EPN2: variants seen among roughly 807,000 people sequenced by gnomAD.
EPN2 encodes the protein epsin-2.
A neutral mutation model predicts 61.7 loss-of-function variants in EPN2; 34 were observed. That is an observed-to-expected ratio of 0.55 (90% CI 0.42 to 0.73). The LOEUF is 0.73. EPN2 is among the 30% of genes least tolerant of loss of function. The pLI is 0.00. For missense variants in EPN2, 714 were observed against 839.2 expected (o/e 0.85, Z 1.84); for synonymous variants, 349 against 353.6 (o/e 0.99, Z 0.15).
intron 4 of EPN2, among the ~76,000 whole-genome samples, chr17:19,301,379 A>G (rs1905510332): frequency 6.6e-6 from 1 of 152,220 alleles, no homozygotes. Flanking sequence ...AGTTCTGCCC[A>G]TAACCCCTGG....
chr17:19,257,473 C>T (rs997632204), intron 1 of EPN2, among the ~76,000 whole-genome samples: 2 of 151,718 alleles, frequency 1.3e-5, no homozygotes, highest in African/African-American at 2.4e-5. Flanking sequence ...AGTCCTAGTT[C>T]GGTCTGTAAT....
chr17:19,242,242 G>A (rs2044892782), intron 1 of EPN2, among the ~76,000 whole-genome samples: 1 of 151,576 alleles, frequency 6.6e-6, no homozygotes, highest in Admixed American at 6.6e-5. Flanking sequence ...TTTTTGAGAC[G>A]AGTCTGGCCA....
At chr17:19,238,206 C>T (rs2044840243) in intron 1 of EPN2, among the ~76,000 whole-genome samples, 1 of 152,136 alleles carries the variant, frequency 6.6e-6, no homozygotes, top group Admixed American at 6.5e-5. Context: ...TGGCAGAGAC[C>T]CACCCGGCCC....
At chr17:19,305,384 A>G (rs1304873662) in intron 4 of EPN2, among the ~76,000 whole-genome samples, 1 of 152,084 alleles carries the variant, frequency 6.6e-6, no homozygotes, top group African/African-American at 2.4e-5. Flanking sequence ...CGGTCTCCCA[A>G]AGTGCTGTGA....
Position 19,335,433 on chromosome 17 carries a change from TA to T in EPN2, c.*1180del, listed in dbSNP as rs1359974794. On this transcript the variant is annotated 3_prime_UTR_variant, in exon 11 of 11. Coordinates refer to ENST00000314728, the MANE Select transcript of EPN2 (RefSeq NM_014964.5). ...TGCAGGGATTAACAGGACTTCTGTT[TA>T]CAATGGAAATCTGAAATGGAAGAAA... is the stretch of plus-strand genomic sequence containing the variant. The T allele has an allele frequency of 3.2e-6, 5 of 1,550,258 alleles. No homozygotes were observed. Among genetic ancestry groups the T allele is most frequent in the Non-Finnish European group, 1.7e-6 (2 of 1,146,776 alleles).
In EPN2 at chr17:19,328,701, C is replaced by G. The variant is rs780455470; in HGVS notation, c.1148-10C>G. 2.5e-6 allele frequency: 4 copies of G among 1,596,840 alleles called. No homozygotes were observed. Among genetic ancestry groups the G allele is most frequent in the Admixed American group, 3.4e-5 (2 of 58,404 alleles). On this transcript the variant is annotated splice_polypyrimidine_tract_variant and intron_variant, in intron 7 of 10. Transcript: ENST00000314728. ...AGGCATTTCTGAGCCCTGACCCTGCCTTCCAACAGGTACCAAGCCAGCTGC... is the reference window on the plus strand; with the variant it reads ...AGGCATTTCTGAGCCCTGACCCTGCGTTCCAACAGGTACCAAGCCAGCTGC...
intron 1 of EPN2, among the ~76,000 whole-genome samples, chr17:19,264,862 G>C (rs1451658535): frequency 6.6e-5 from 10 of 152,256 alleles, no homozygotes; most frequent in Admixed American, 5.2e-4. Flanking sequence ...TGTCCCTTGA[G>C]AGCCTGCAGT....
At chr17:19,286,924 C>A (rs1391242771) in intron 4 of EPN2, among the ~76,000 whole-genome samples, 1 of 152,164 alleles carries the variant, frequency 6.6e-6, no homozygotes, top group Non-Finnish European at 1.5e-5. Context: ...ATTTCACCCC[C>A]CCAGATAGTC....
intron 7 of EPN2, among the ~76,000 whole-genome samples, chr17:19,325,618 C>T (rs1906830370): frequency 6.6e-6 from 1 of 152,132 alleles, no homozygotes; most frequent in Non-Finnish European, 1.5e-5. Flanking sequence ...CTATAGCTAA[C>T]ATTGAACTTA....
intron 4 of EPN2, among the ~76,000 whole-genome samples, chr17:19,307,364 G>A (rs1280867873): frequency 2.0e-5 from 3 of 152,012 alleles, no homozygotes; most frequent in Non-Finnish European, 4.4e-5. Flanking sequence ...AGGCTGGAGT[G>A]CAGTGGCGCG....
intron 9 of EPN2, chr17:19,330,704 A>G (rs1907118903): frequency 1.3e-5 from 2 of 152,434 alleles, no homozygotes; most frequent in East Asian, 1.9e-4. Flanking sequence ...CTTTTGAAAC[A>G]TTTATCCCCT....
chr17:19,309,075 C>T (rs1333250583), intron 4 of EPN2, among the ~76,000 whole-genome samples: 2 of 151,718 alleles, frequency 1.3e-5, no homozygotes, highest in Non-Finnish European at 2.9e-5. Flanking sequence ...TTTGGGGTCA[C>T]TGCAGAAATG....
At position 19,334,060 on chromosome 17, in the gene EPN2, T is replaced by A; in HGVS notation, c.1732T>A (p.Ser578Thr). 1 of 1,609,808 alleles carries A rather than the reference T, an allele frequency of 6.2e-7. No individual in the cohort carries two copies. The highest frequency in any genetic ancestry group is 8.5e-7 in the Non-Finnish European group (1 of 1,177,692). ...RGSPVLGTSTSFGPGPGVESM... is the reference protein window; with the variant it reads ...RGSPVLGTSTTFGPGPGVESM... Reference sequence around the variant, plus strand: ...GAGCCCAGTCCTGGGGACCAGCACATCCTTTGGGCCTGGCCCAGGAGTGGA... The same window carrying A: ...GAGCCCAGTCCTGGGGACCAGCACAACCTTTGGGCCTGGCCCAGGAGTGGA... The change falls in exon 11 of 11, where the codon TCC becomes ACC. Residue 578 changes from serine (S) to threonine (T), a missense_variant. Ser to Thr is a moderately conservative substitution (Grantham distance 58). Transcript: ENST00000314728. This position sits in a 1 kb window ranked among gnomAD's most constrained non-coding sequence, Gnocchi z 4.9.
chr17:19,273,424 A>G (rs1195561952), intron 1 of EPN2: 2 of 152,218 alleles, frequency 1.3e-5, no homozygotes, highest in Admixed American at 6.5e-5. Context: ...TCTACTGTCT[A>G]GAAGTCAAGT....
intron 7 of EPN2, among the ~76,000 whole-genome samples, chr17:19,322,363 A>G (rs1238406717): frequency 6.6e-6 from 1 of 152,088 alleles, no homozygotes; most frequent in Non-Finnish European, 1.5e-5. Flanking sequence ...GGAAGGAGTG[A>G]AGGCAGCACT....
At chr17:19,241,127 G>A (rs1393349997) in intron 1 of EPN2, among the ~76,000 whole-genome samples, 1 of 152,118 alleles carries the variant, frequency 6.6e-6, no homozygotes, top group East Asian at 1.9e-4. Context: ...TACCTACTTC[G>A]AGGACCAAGT....
chr17:19,306,443 T>C (rs1490370332), intron 4 of EPN2, among the ~76,000 whole-genome samples: 1 of 152,250 alleles, frequency 6.6e-6, no homozygotes, highest in African/African-American at 2.4e-5. Context: ...AAGCTGTACA[T>C]CCGTTTATGA....
At chr17:19,259,137 G>A (rs994171943) in intron 1 of EPN2, among the ~76,000 whole-genome samples, 1 of 152,114 alleles carries the variant, frequency 6.6e-6, no homozygotes, top group Non-Finnish European at 1.5e-5. Context: ...TCAAGTCTTG[G>A]AAATTTGTGA....
At chr17:19,319,110 A>C (rs1477922166) in intron 7 of EPN2, among the ~76,000 whole-genome samples, 1 of 151,568 alleles carries the variant, frequency 6.6e-6, no homozygotes, top group Non-Finnish European at 1.5e-5. Context: ...AGGCATGAGA[A>C]TCGCTTGAAC....
Sources: allele counts gnomAD v4.1 joint callset (sites outside exome capture counted in the v4.1 genomes callset), GRCh38; gene constraint gnomAD v4.1.1; non-coding constraint Gnocchi (gnomAD v3.1); transcripts MANE v1.5; gene names NCBI Gene and HGNC (gene_info 2026-07-23, HGNC 2026-07-21).